AK9: variants seen among roughly 807,000 people sequenced by gnomAD.
AK9 encodes adenylate kinase 9.
AK9 carries 191 observed loss-of-function variants against 239.6 expected under a neutral mutation model. The ratio of observed to expected loss-of-function variants is 0.80; its 90% confidence interval spans 0.71 to 0.90. The LOEUF (loss-of-function observed/expected upper bound fraction) is 0.90. AK9 is among the 40% of genes least tolerant of loss of function. The pLI is 0.00. For synonymous variants in AK9, 689 were observed against 721.0 expected (o/e 0.96, Z 0.71); for missense variants, 1,995 against 2,214.7 (o/e 0.90, Z 1.99).
intron 29 of AK9, chr6:109,528,700 T>C (rs1441578376): frequency 2.1e-6 from 1 of 484,970 alleles, no homozygotes; most frequent in Admixed American, 2.3e-5. Context: ...TGGTTGCACT[T>C]GTAGCAAGTT....
At chr6:109,682,998 A>G (rs1182891630) in intron 1 of AK9, among the ~76,000 whole-genome samples, 3 of 152,374 alleles carry the variant, frequency 2.0e-5, no homozygotes. Flanking sequence ...AAAAATCCTC[A>G]ATAAAATGCT....
intron 17 of AK9, among the ~76,000 whole-genome samples, chr6:109,602,080 A>G (rs1792079731): frequency 6.6e-6 from 1 of 152,116 alleles, no homozygotes; most frequent in Non-Finnish European, 1.5e-5. Context: ...TTTACATTTA[A>G]GGTTAATATT....
chr6:109,645,867 G>A (rs1426973050), intron 8 of AK9, among the ~76,000 whole-genome samples: 3 of 152,172 alleles, frequency 2.0e-5, no homozygotes, highest in Non-Finnish European at 4.4e-5. Context: ...CCAGAGGAAG[G>A]ATCAGGCAGC....
In AK9 at chr6:109,546,058, C is replaced by T; in HGVS notation, c.3034G>A (p.Ala1012Thr). The T allele has an allele frequency of 6.2e-7, 1 of 1,613,218 alleles. No individual in the cohort carries two copies. Among genetic ancestry groups the T allele is most frequent in the Non-Finnish European group, 8.5e-7 (1 of 1,179,566 alleles). ...SGKTMCGRQL[A>T]EKLNIFHIQF... is the part of the protein sequence containing the mutation. ...ATGTGAAAAATGTTTAATTTTTCTG[C>T]CAACTGTCTTCCACACATAGTTTTG... The change falls in exon 26 of 41, where the codon GCA (alanine) becomes ACA (threonine). Residue 1012 changes from alanine (A) to threonine (T), a missense_variant. Ala to Thr is a moderately conservative substitution (Grantham distance 58). Around this residue, in one of 5 missense-constraint regions of AK9, gnomAD observed 1,290 missense variants for 1,392.7 expected, o/e 0.93. Transcript: ENST00000424296.
intron 17 of AK9, among the ~76,000 whole-genome samples, chr6:109,587,393 A>C (rs1431643416): frequency 2.0e-5 from 3 of 152,210 alleles, no homozygotes; most frequent in Non-Finnish European, 4.4e-5. Context: ...TTCATGGGTT[A>C]CAAGTGCAAT....
intron 25 of AK9, among the ~76,000 whole-genome samples, chr6:109,547,280 T>C (rs1783686193): frequency 6.6e-6 from 1 of 152,226 alleles, no homozygotes; most frequent in Non-Finnish European, 1.5e-5. Flanking sequence ...TAAGAAGGCA[T>C]TGATATTATC....
At chr6:109,497,632 G>T in intron 37 of AK9, 69 bp from the exon 38 acceptor site, 1 of 1,362,592 alleles carries the variant, frequency 7.3e-7, no homozygotes. Context: ...TAAATAAAAA[G>T]TCAAAAGTAT....
intron 29 of AK9, among the ~76,000 whole-genome samples, chr6:109,519,683 C>A (rs1380540065): frequency 6.6e-6 from 1 of 150,982 alleles, no homozygotes; most frequent in Non-Finnish European, 1.5e-5. Context: ...GCAGTCCCAG[C>A]TACTTGGAGG....
intron 27 of AK9, among the ~76,000 whole-genome samples, chr6:109,539,501 C>G (rs186826704): frequency 1.3e-5 from 2 of 152,158 alleles, no homozygotes; most frequent in African/African-American, 4.8e-5. Flanking sequence ...GTTAGCCATT[C>G]GTCTAATCTT....
At chr6:109,541,784 T>C (rs1250473520) in intron 27 of AK9, among the ~76,000 whole-genome samples, 2 of 152,232 alleles carry the variant, frequency 1.3e-5, no homozygotes, top group African/African-American at 4.8e-5. Context: ...CAAATGCACT[T>C]TAGAATAACC....
intron 38 of AK9, 42 bp from the exon 39 acceptor site, chr6:109,495,482 C>A: frequency 6.9e-7 from 1 of 1,449,618 alleles, no homozygotes; most frequent in Non-Finnish European, 9.6e-7. Context: ...CACAGTTATA[C>A]TCAGTGTGTA....
rs551909267 is a variant in AK9 at position 109,664,653 on chromosome 6, G to A, written c.332-1990C>T. On this transcript the variant is annotated intron_variant, in intron 5 of 40. Transcript: ENST00000424296. Reference sequence around the variant, plus strand: ...TTGGCCAGGATGGTCTCGATCTCCCGATCTCGTGATCCGCCTGCCTCGGCC... The same window carrying A: ...TTGGCCAGGATGGTCTCGATCTCCCAATCTCGTGATCCGCCTGCCTCGGCC... 8.6e-5 allele frequency among the ~76,000 whole-genome samples: 13 copies of A among 150,594 alleles called. 1 individual carries two copies. In the East Asian group the frequency reaches 1.9e-3, roughly 22 times the overall value.
intron 21 of AK9, among the ~76,000 whole-genome samples, chr6:109,569,268 CA>C (rs1787043645): frequency 6.6e-6 from 1 of 152,114 alleles, no homozygotes; most frequent in Non-Finnish European, 1.5e-5. Flanking sequence ...ACATCTTATA[CA>C]AAAATTAATT....
At chr6:109,524,530 G>A (rs373001398) in intron 29 of AK9, among the ~76,000 whole-genome samples, 1 of 152,102 alleles carries the variant, frequency 6.6e-6, no homozygotes, top group Non-Finnish European at 1.5e-5. Context: ...CCAAACTGTT[G>A]AAAAGCAAAG....
At chr6:109,525,451 TAAAC>T (rs1382271707) in intron 29 of AK9, among the ~76,000 whole-genome samples, 9 of 151,984 alleles carry the variant, frequency 5.9e-5, no homozygotes, top group African/African-American at 1.9e-4. Context: ...ATAAGGAACT[TAAAC>T]AAATCAACAA....
At chr6:109,645,387 T>G (rs543549383) in intron 8 of AK9, among the ~76,000 whole-genome samples, 1 of 152,238 alleles carries the variant, frequency 6.6e-6, no homozygotes, top group Admixed American at 6.5e-5. Context: ...TCTTAGCAAA[T>G]GGCACACCAG....
rs552935033 is a variant in AK9, at chr6:109,495,511, A to G, written c.5316-71T>C. 6 of 1,083,862 alleles carry G rather than the reference A, an allele frequency of 5.5e-6. No homozygotes were observed. The African/African-American group carries it at 9.5e-5, about 17-fold the overall frequency. 67.1% of individuals were successfully genotyped at this position (1,083,862 alleles called of 1,614,324 possible). ...GTGTGTATAGATAGGAATAGACAAG[A>G]GACTATTAGAAGATAAAGTTCACTA... is the stretch of plus-strand genomic sequence containing the variant. On this transcript the variant is annotated intron_variant, in intron 38 of 40. Transcript: ENST00000424296.
chr6:109,641,517 C>A lies in AK9; in HGVS notation c.933+1G>T. 6.2e-7 allele frequency: 1 copy of A among 1,608,986 alleles called. No individual in the cohort carries two copies. Among genetic ancestry groups the A allele is most frequent in the South Asian group, 1.1e-5 (1 of 90,936 alleles). On this transcript the variant is annotated splice_donor_variant, in intron 10 of 40. Transcript: ENST00000424296. LOFTEE classifies it high-confidence loss of function. ...CTTTCAGACAGTTCCATATAACTTACATTTTCCATTGTGTCATTAATTTCT... is the reference window on the plus strand; with the variant it reads ...CTTTCAGACAGTTCCATATAACTTAAATTTTCCATTGTGTCATTAATTTCT...
rs192683052 is a variant in AK9, at chr6:109,594,290, C to T, written c.1843-8218G>A. On this transcript the variant is annotated intron_variant, in intron 17 of 40. Transcript: ENST00000424296. ...AATTGCTACAAAAAGAATAAAATAC[C>T]TAAGAATACAACTTACAAGGGATGT... Among the ~76,000 whole-genome samples, 42 of 152,160 alleles carry T rather than the reference C, an allele frequency of 2.8e-4. No individual in the cohort carries two copies. In the East Asian group the frequency reaches 6.9e-3, roughly 25 times the overall value.
Sources: allele counts gnomAD v4.1 joint callset (sites outside exome capture counted in the v4.1 genomes callset), GRCh38; gene constraint gnomAD v4.1.1; regional missense constraint gnomAD v4.1.1; transcripts MANE v1.5; gene names NCBI Gene and HGNC (gene_info 2026-07-23, HGNC 2026-07-21).